The following FAM81A variants were observed in gnomAD, a reference collection of about 807,000 sequenced individuals.
The protein encoded by FAM81A is protein FAM81A.
FAM81A carries 19 observed loss-of-function variants against 46.7 expected under a neutral mutation model. The observed-to-expected ratio is 0.41, with a 90% CI of 0.28 to 0.60. The LOEUF is 0.60. Among genes scored for constraint, FAM81A ranks in the 20% least tolerant of loss-of-function variants. FAM81A has a pLI of 0.34. For missense variants in FAM81A, 377 were observed against 453.5 expected (o/e 0.83, Z 1.53); for synonymous variants, 183 against 152.9 (o/e 1.20, Z -1.45).
At chr15:59,424,400 C>T (rs1351859004) in intron 2 of FAM81A, among the ~76,000 whole-genome samples, 1 of 152,156 alleles carries the variant, frequency 6.6e-6, no homozygotes, top group Non-Finnish European at 1.5e-5. Flanking sequence ...GCACATCTTC[C>T]CTAGATAATC....
At chr15:59,416,952 G>T (rs12902139) in intron 2 of FAM81A, among the ~76,000 whole-genome samples, 1 of 151,800 alleles carries the variant, frequency 6.6e-6, no homozygotes, top group Non-Finnish European at 1.5e-5. Context: ...TTCTTTCTGC[G>T]AGTAAGCAGC....
intron 3 of FAM81A, among the ~76,000 whole-genome samples, chr15:59,474,716 T>C (rs1182736616): frequency 6.6e-6 from 1 of 152,180 alleles, no homozygotes; most frequent in Non-Finnish European, 1.5e-5. Flanking sequence ...CAAAAAGGAC[T>C]AGAAGAGACT....
At chr15:59,409,213 C>T (rs1200364841) in intron 2 of FAM81A, among the ~76,000 whole-genome samples, 1 of 152,058 alleles carries the variant, frequency 6.6e-6, no homozygotes, top group Non-Finnish European at 1.5e-5. Context: ...TGTTTCTACT[C>T]CAGGTCTGGG....
chr15:59,399,002 T>C (rs576264873), intron 1 of FAM81A, among the ~76,000 whole-genome samples: 3 of 152,068 alleles, frequency 2.0e-5, no homozygotes, highest in South Asian at 2.1e-4. Context: ...ACCCCGTCTC[T>C]ACTAAAAATA....
chr15:59,401,385 G>C (rs753232844), intron 1 of FAM81A: 1 of 788,722 alleles, frequency 1.3e-6, no homozygotes, highest in Non-Finnish European at 2.3e-6. Context: ...GTATACAGTG[G>C]GGACGACGGG....
chr15:59,409,265 G>A (rs1374737705), intron 2 of FAM81A, among the ~76,000 whole-genome samples: 1 of 152,080 alleles, frequency 6.6e-6, no homozygotes, highest in Non-Finnish European at 1.5e-5. Flanking sequence ...CCTGCCTCCG[G>A]ACTCTCCATT....
chr15:59,461,485 A>G (rs1049904574), intron 3 of FAM81A, among the ~76,000 whole-genome samples: 5 of 152,032 alleles, frequency 3.3e-5, no homozygotes, highest in African/African-American at 1.2e-4. Context: ...AGGTCCATCT[A>G]TACTATAGTA....
Position 59,406,747 on chromosome 15 carries a change from G to A in FAM81A, c.-78+4389G>A, listed in dbSNP as rs1444718744. 3.9e-5 allele frequency among the ~76,000 whole-genome samples: 6 copies of A among 152,088 alleles called. 1 individual carries two copies. Among genetic ancestry groups the A allele is most frequent in the South Asian group, 4.1e-4 (2 of 4,830 alleles). ...ATAGAGAAATGAAATCATCCTGCAC[G>A]ATCTTTTACTACAAGCTGCATTTGT... On this transcript the variant is annotated intron_variant, in intron 2 of 4. Transcript: ENST00000558348.
At chr15:59,486,482 G>C (rs2081918281) in intron 3 of FAM81A, among the ~76,000 whole-genome samples, 1 of 151,650 alleles carries the variant, frequency 6.6e-6, no homozygotes, top group African/African-American at 2.4e-5. Flanking sequence ...TTATCAAAAG[G>C]GATAACAGAG....
chr15:59,434,002 C>A (rs955654518), upstream of FAM81A, among the ~76,000 whole-genome samples: 2 of 152,100 alleles, frequency 1.3e-5, no homozygotes, highest in Non-Finnish European at 1.5e-5. Flanking sequence ...ATTACAGGCA[C>A]CTGCCACCAT....
At chr15:59,428,099 A>G (rs758585937) in intron 2 of FAM81A, among the ~76,000 whole-genome samples, 1 of 151,976 alleles carries the variant, frequency 6.6e-6, no homozygotes, top group African/African-American at 2.4e-5. Context: ...AGCCGTTTTA[A>G]CTCGGGTGAG....
At chr15:59,431,764 T>C (rs1464807194) in intron 2 of FAM81A, among the ~76,000 whole-genome samples, 1 of 152,142 alleles carries the variant, frequency 6.6e-6, no homozygotes, top group East Asian at 1.9e-4. Flanking sequence ...AAAGTATGAA[T>C]CCCCTTAAGG....
chr15:59,446,762 C>G (rs1202684149), intron 1 of FAM81A: 12 of 152,210 alleles, frequency 7.9e-5, no homozygotes, highest in Admixed American at 7.9e-4. Context: ...GTACAACATG[C>G]TGATTCCCTG....
At chr15:59,437,441 C>CA (rs1567042736), upstream of FAM81A, among the ~76,000 whole-genome samples, 1 of 151,808 alleles carries the variant, frequency 6.6e-6, no homozygotes, top group Non-Finnish European at 1.5e-5. Context: ...GATGAGAATC[C>CA]AAAATCGAGA....
At chr15:59,464,648 C>A (rs1260229026) in intron 3 of FAM81A, among the ~76,000 whole-genome samples, 1 of 152,050 alleles carries the variant, frequency 6.6e-6, no homozygotes, top group Non-Finnish European at 1.5e-5. Context: ...ATCATTTACC[C>A]ATTTAAAAAA....
intron 1 of FAM81A, among the ~76,000 whole-genome samples, chr15:59,450,627 CTT>C (rs140057765): frequency 0.017 from 2,583 of 152,194 alleles, 33 homozygotes; most frequent in South Asian, 0.046. Context: ...GATTTTATCT[CTT>C]ATGGCAAATT....
At chr15:59,426,454 A>C (rs1441942480) in intron 2 of FAM81A, among the ~76,000 whole-genome samples, 1 of 152,184 alleles carries the variant, frequency 6.6e-6, no homozygotes, top group African/African-American at 2.4e-5. Context: ...TCTCTACTAA[A>C]AATACAAAAT....
At chr15:59,473,417 T>C (rs796095397) in intron 3 of FAM81A, among the ~76,000 whole-genome samples, 3 of 152,222 alleles carry the variant, frequency 2.0e-5, no homozygotes, top group African/African-American at 4.8e-5. Flanking sequence ...CAAAAAAACA[T>C]AGTATATGTA....
chr15:59,500,148 C>A (rs781311397), intron 4 of FAM81A, among the ~76,000 whole-genome samples: 8 of 151,442 alleles, frequency 5.3e-5, no homozygotes, highest in Non-Finnish European at 1.2e-4. Flanking sequence ...CCACCATGCC[C>A]GGCCATGATG....
Sources: allele counts gnomAD v4.1 joint callset (sites outside exome capture counted in the v4.1 genomes callset), GRCh38; gene constraint gnomAD v4.1.1; transcripts MANE v1.5; gene names NCBI Gene and HGNC (gene_info 2026-07-23, HGNC 2026-07-21).